Variants in KDM5B observed in about 807,000 individuals in gnomAD.
KDM5B encodes lysine-specific demethylase 5B.
KDM5B carries 144 observed loss-of-function variants against 193.4 expected under a neutral mutation model. That is an observed-to-expected ratio of 0.74 (90% CI 0.65 to 0.86). KDM5B has a LOEUF of 0.86. Ranked by LOEUF, KDM5B falls within the 40% of genes least tolerant of loss-of-function variation. KDM5B has a pLI of 0.00. For missense variants in KDM5B, 1,833 were observed against 1,886.9 expected (o/e 0.97, Z 0.53); for synonymous variants, 668 against 682.6 (o/e 0.98, Z 0.33).
At chr1:202,744,327 A>G (rs1305250331) in intron 16 of KDM5B, among the ~76,000 whole-genome samples, 1 of 152,226 alleles carries the variant, frequency 6.6e-6, no homozygotes, top group Non-Finnish European at 1.5e-5. Context: ...TGGGAGGCCG[A>G]GGCAGGCAGA....
At chr1:202,786,017 C>T (rs1311730664) in intron 1 of KDM5B, among the ~76,000 whole-genome samples, 1 of 150,896 alleles carries the variant, frequency 6.6e-6, no homozygotes, top group African/African-American at 2.4e-5. Flanking sequence ...GTTTTTGTTT[C>T]TGTTTTTTAA....
chr1:202,767,962 T>C (rs752080157), intron 4 of KDM5B, among the ~76,000 whole-genome samples: 1 of 152,240 alleles, frequency 6.6e-6, no homozygotes, highest in Non-Finnish European at 1.5e-5. Context: ...TTCTAGATTT[T>C]ACAACTGTAT....
chr1:202,750,811 T>C, intron 12 of KDM5B, 33 bp from the exon 13 acceptor site: 1 of 1,601,220 alleles, frequency 6.2e-7, no homozygotes, highest in Non-Finnish European at 8.5e-7. Context: ...TTTTTGAGTT[T>C]CTTAAAGAGT....
At chr1:202,799,976 T>C (rs933038593) in intron 1 of KDM5B, among the ~76,000 whole-genome samples, 2 of 152,256 alleles carry the variant, frequency 1.3e-5, no homozygotes, top group Non-Finnish European at 2.9e-5. Flanking sequence ...CCTAACAATC[T>C]AACAAGTAAT....
At chr1:202,771,834 C>T (rs1656732167) in intron 4 of KDM5B, among the ~76,000 whole-genome samples, 1 of 152,302 alleles carries the variant, frequency 6.6e-6, no homozygotes, top group East Asian at 1.9e-4. Flanking sequence ...CCCACCTTGG[C>T]CTCCCAAAGT....
Position 202,736,330 on chromosome 1 carries a change from G to A in KDM5B, c.3147C>T (p.Ile1049=). The change falls in exon 21 of 27, where the codon ATC becomes ATT. Residue 1049 remains isoleucine (I), a synonymous_variant. Coordinates refer to ENST00000367265, the MANE Select transcript of KDM5B (RefSeq NM_006618.5). ...TTGGCAAAGAATTCAGATGTACGGGGATAGATCGGCCTCGTGTAACAAGTT... is the reference window on the plus strand; with the variant it reads ...TTGGCAAAGAATTCAGATGTACGGGAATAGATCGGCCTCGTGTAACAAGTT... The part of the protein sequence containing the change: ...LIELVTRGRS[I]PVHLNSLPRL... 9 of 1,612,178 alleles carry A rather than the reference G, an allele frequency of 5.6e-6. No homozygotes were observed. Among genetic ancestry groups the A allele is most frequent in the Non-Finnish European group, 7.6e-6 (9 of 1,178,996 alleles).
Position 202,728,516 on chromosome 1 carries a change from G to A in KDM5B, c.*520C>T, listed in dbSNP as rs1028385127. 2.6e-5 allele frequency: 4 copies of A among 153,328 alleles called. No individual in the cohort carries two copies. The highest frequency in any genetic ancestry group is 9.6e-5 in the African/African-American group (4 of 41,466). The allele number at this position is 153,328 out of a possible 1,614,324, so 9.5% of individuals were successfully genotyped here. On this transcript the variant is annotated 3_prime_UTR_variant, in exon 27 of 27. Transcript: ENST00000367265. ...AATAAACCTAGTCTACCAGGAAGAAGAAAAGTGGATAAAGGAAAAGAAGAA... is the reference window on the plus strand; with the variant it reads ...AATAAACCTAGTCTACCAGGAAGAAAAAAAGTGGATAAAGGAAAAGAAGAA...
intron 1 of KDM5B, among the ~76,000 whole-genome samples, chr1:202,786,172 T>TC (rs967741506): frequency 1.1e-5 from 1 of 90,696 alleles, no homozygotes; most frequent in Non-Finnish European, 2.3e-5. Context: ...GCTAATTTTT[T>TC]TTTTTAAGAG....
In KDM5B at chr1:202,785,766, T is replaced by C. The variant is rs573959292; in HGVS notation, c.205-8672A>G. Among the ~76,000 whole-genome samples the C allele has an allele frequency of 2.0e-5, 3 of 151,998 alleles. No homozygotes were observed. The South Asian group carries it at 6.2e-4, about 32-fold the overall frequency. On this transcript the variant is annotated intron_variant, in intron 1 of 26. Coordinates refer to ENST00000367265, the MANE Select transcript of KDM5B (RefSeq NM_006618.5). ...CTCTATTAAAAATACAAAAGTTAGC[T>C]CGGTGTGGTGGTGCACACCTGTAGT...
intron 16 of KDM5B, among the ~76,000 whole-genome samples, chr1:202,744,325 C>T (rs776589256): frequency 3.3e-5 from 5 of 152,066 alleles, no homozygotes; most frequent in Admixed American, 6.5e-5. Context: ...TTTGGGAGGC[C>T]GAGGCAGGCA....
At chr1:202,733,350 G>A (rs376110209) in intron 23 of KDM5B, 51 bp downstream of exon 23, 2 of 1,582,612 alleles carry the variant, frequency 1.3e-6, no homozygotes, top group Admixed American at 1.7e-5. Context: ...CGAGAGAAAG[G>A]TACAGAGCTT....
chr1:202,782,149 C>G (rs1422029424), intron 1 of KDM5B, among the ~76,000 whole-genome samples: 1 of 152,052 alleles, frequency 6.6e-6, no homozygotes, highest in Non-Finnish European at 1.5e-5. Flanking sequence ...TTGAGAAGAT[C>G]ATTTTTGCAT....
rs192605449 is a variant in KDM5B at position 202,766,363 on chromosome 1, G to A, written c.711+563C>T. On this transcript the variant is annotated intron_variant, in intron 5 of 26. Coordinates refer to ENST00000367265, the MANE Select transcript of KDM5B (RefSeq NM_006618.5). ...ACTAAAAATACAAACCAAATTAGCC[G>A]GGCGTGGTGGCACACGCCTGTAGTC... 1.5e-4 allele frequency: 47 copies of A among 314,870 alleles called. No individual in the cohort carries two copies. The East Asian group carries it at 4.2e-3, about 28-fold the overall frequency. The allele number at this position is 314,870 out of a possible 1,614,324, so 19.5% of individuals were successfully genotyped here.
At chr1:202,767,148 A>C in intron 4 of KDM5B, 88 bp from the exon 5 acceptor site, 4 of 1,587,532 alleles carry the variant, frequency 2.5e-6, no homozygotes, top group Non-Finnish European at 2.6e-6. Context: ...ATGCCACATG[A>C]GTTCGAGTTT....
chr1:202,736,971 TAC>T (rs1655121889), intron 20 of KDM5B, among the ~76,000 whole-genome samples: 1 of 152,212 alleles, frequency 6.6e-6, no homozygotes, highest in South Asian at 2.1e-4. Flanking sequence ...GCTCTAAGGA[TAC>T]AAATGTGAAC....
At chr1:202,743,370 G>A (rs1655429100) in intron 16 of KDM5B, among the ~76,000 whole-genome samples, 1 of 141,496 alleles carries the variant, frequency 7.1e-6, no homozygotes. Flanking sequence ...AAAAACACCT[G>A]GCATGTTTAA....
intron 1 of KDM5B, chr1:202,806,834 G>C (rs995781140): frequency 6.6e-6 from 1 of 152,254 alleles, no homozygotes; most frequent in African/African-American, 2.4e-5. Context: ...GGGGAAGAGA[G>C]TGGGGAGAAG....
Position 202,774,791 on chromosome 1 carries a change from T to C in KDM5B, c.283-56A>G, listed in dbSNP as rs766266703. 50 of 1,512,698 alleles carry C rather than the reference T, an allele frequency of 3.3e-5. 1 individual carries two copies. In the South Asian group the frequency reaches 5.7e-4, roughly 17 times the overall value. 93.7% of individuals were successfully genotyped at this position (1,512,698 alleles called of 1,614,324 possible). On this transcript the variant is annotated intron_variant, in intron 2 of 26. Transcript: ENST00000367265. ...ATTTAGCTTATTTTAAAGCTCCTATTACCTGCCATTATTTTCTTTCACAGA... is the reference window on the plus strand; with the variant it reads ...ATTTAGCTTATTTTAAAGCTCCTATCACCTGCCATTATTTTCTTTCACAGA...
At chr1:202,781,616 T>C (rs1317440219) in intron 1 of KDM5B, among the ~76,000 whole-genome samples, 2 of 152,232 alleles carry the variant, frequency 1.3e-5, no homozygotes, top group East Asian at 3.8e-4. Context: ...GAACACATCC[T>C]AGCAAAAGGA....
Sources: gnomAD v4.1 joint callset for allele counts (sites outside exome capture counted in the v4.1 genomes callset) on GRCh38, gnomAD v4.1.1 for gene constraint, MANE v1.5 for transcripts, NCBI Gene and HGNC (gene_info 2026-07-23, HGNC 2026-07-21) for gene names.